Variants in VTI1A observed in about 807,000 individuals in gnomAD.
VTI1A encodes the protein vesicle transport through interaction with t-SNAREs homolog 1A.
Under a neutral mutation model 34.9 loss-of-function variants are expected in VTI1A, and 22 were observed. The ratio of observed to expected loss-of-function variants is 0.63; its 90% confidence interval spans 0.45 to 0.90. The LOEUF (loss-of-function observed/expected upper bound fraction) is 0.90. Ranked by LOEUF, VTI1A falls within the 40% of genes least tolerant of loss-of-function variation. The pLI, the probability that VTI1A is intolerant of heterozygous loss-of-function variation, is 0.00. For synonymous variants in VTI1A, 87 were observed against 97.3 expected (o/e 0.89, Z 0.62); for missense variants, 268 against 275.6 (o/e 0.97, Z 0.20).
Position 112,681,080 on chromosome 10 carries a change from T to A in VTI1A, c.560+12082T>A, listed in dbSNP as rs929829550. ...GAATTTTTCTCTTTTTTTCTTTTCTTTTTTTTTTTTTTAAAGGGACAGGGT... is the reference window on the plus strand; with the variant it reads ...GAATTTTTCTCTTTTTTTCTTTTCTATTTTTTTTTTTTAAAGGGACAGGGT... On this transcript the variant is annotated intron_variant, in intron 7 of 7. Transcript: ENST00000393077. Among the ~76,000 whole-genome samples the A allele has an allele frequency of 2.0e-5, 3 of 146,852 alleles. No homozygotes were observed. In the Admixed American group the frequency reaches 2.0e-4, roughly 10 times the overall value.
chr10:112,708,597 AT>A (rs144574570), intron 7 of VTI1A, among the ~76,000 whole-genome samples: 2,718 of 152,334 alleles, frequency 0.018, 85 homozygotes, highest in African/African-American at 0.062. Context: ...TTGTAAAGGA[AT>A]GTGTTCTGCA....
chr10:112,659,976 C>T (rs552379067), intron 5 of VTI1A, among the ~76,000 whole-genome samples: 1 of 152,300 alleles, frequency 6.6e-6, no homozygotes, highest in African/African-American at 2.4e-5. Flanking sequence ...ATTTAAATTT[C>T]TATTGTTTTG....
chr10:112,485,275 T>G (rs914963814), intron 3 of VTI1A: 1 of 150,790 alleles, frequency 6.6e-6, no homozygotes, highest in Non-Finnish European at 1.5e-5. Context: ...AGAGCGAAAC[T>G]CTGTCTAAAA....
intron 3 of VTI1A, among the ~76,000 whole-genome samples, chr10:112,468,506 C>T (rs1847975628): frequency 6.6e-6 from 1 of 152,148 alleles, no homozygotes; most frequent in South Asian, 2.1e-4. Flanking sequence ...TTCTTCTGTT[C>T]CACTTGTAAT....
chr10:112,467,914 A>G (rs1847951252), intron 3 of VTI1A, among the ~76,000 whole-genome samples: 1 of 152,238 alleles, frequency 6.6e-6, no homozygotes, highest in Admixed American at 6.5e-5. Flanking sequence ...ATAAAGTTCT[A>G]CTTGTCATAT....
At chr10:112,527,606 G>A (rs142948207) in intron 4 of VTI1A, among the ~76,000 whole-genome samples, 2 of 151,894 alleles carry the variant, frequency 1.3e-5, no homozygotes, top group Non-Finnish European at 2.9e-5. Context: ...ATCTCCTATT[G>A]TGTGGCTTCT....
rs76540079 is a variant in VTI1A at position 112,811,853 on chromosome 10, G to T, written c.561-3437G>T. ...CAGTGCCGCGCCTGTCCCCTGCACT[G>T]GAACCAGCCTTCTGTGATTCCGGCT... On this transcript the variant is annotated intron_variant, in intron 7 of 7. Transcript: ENST00000393077. 3.2e-3 allele frequency among the ~76,000 whole-genome samples: 485 copies of T among 152,270 alleles called. 18 individuals are homozygous for T. The East Asian group carries it at 0.081, about 26-fold the overall frequency.
intron 5 of VTI1A, among the ~76,000 whole-genome samples, chr10:112,542,851 C>T (rs986234986): frequency 2.0e-5 from 3 of 152,102 alleles, no homozygotes; most frequent in South Asian, 2.1e-4. Flanking sequence ...CAACAGGCCC[C>T]GGTGTGTGAT....
At chr10:112,731,392 G>T (rs557080876) in intron 7 of VTI1A, among the ~76,000 whole-genome samples, 2 of 152,174 alleles carry the variant, frequency 1.3e-5, no homozygotes, top group South Asian at 4.1e-4. Context: ...GCCCAACATG[G>T]CGAAACCCCA....
At chr10:112,765,939 G>A (rs1851634320) in intron 7 of VTI1A, among the ~76,000 whole-genome samples, 1 of 152,178 alleles carries the variant, frequency 6.6e-6, no homozygotes, top group African/African-American at 2.4e-5. Flanking sequence ...AGGAGTCCAA[G>A]GCAGGTTGAT....
At chr10:112,453,687 A>T (rs919561910) in intron 1 of VTI1A, among the ~76,000 whole-genome samples, 2 of 151,208 alleles carry the variant, frequency 1.3e-5, no homozygotes. Flanking sequence ...TTTTTTAAGG[A>T]CTATATTGCT....
intron 5 of VTI1A, among the ~76,000 whole-genome samples, chr10:112,561,807 G>T (rs1851732879): frequency 6.6e-6 from 1 of 151,922 alleles, no homozygotes; most frequent in Admixed American, 6.6e-5. Flanking sequence ...GGAGACTCTA[G>T]AAATATATGG....
chr10:112,578,990 A>G (rs1843817157), intron 5 of VTI1A, among the ~76,000 whole-genome samples: 1 of 152,234 alleles, frequency 6.6e-6, no homozygotes, highest in Non-Finnish European at 1.5e-5. Flanking sequence ...TCAACAAACC[A>G]TTTAAGGATC....
intron 5 of VTI1A, among the ~76,000 whole-genome samples, chr10:112,583,039 G>A (rs1053745307): frequency 2.0e-5 from 3 of 152,064 alleles, no homozygotes; most frequent in African/African-American, 7.2e-5. Flanking sequence ...TTCCCAAATC[G>A]TTTAAGTGGT....
chr10:112,540,139 C>T, intron 5 of VTI1A, among the ~76,000 whole-genome samples: 1 of 151,954 alleles, frequency 6.6e-6, no homozygotes, highest in Non-Finnish European at 1.5e-5. Context: ...TCTTTTTTTT[C>T]TTTCACTAAA....
intron 5 of VTI1A, among the ~76,000 whole-genome samples, chr10:112,563,236 G>T (rs1851788154): frequency 6.6e-6 from 1 of 152,156 alleles, no homozygotes; most frequent in South Asian, 2.1e-4. Flanking sequence ...ACAGTATATA[G>T]TATTACAGAC....
chr10:112,746,697 A>G (rs1850909588), intron 7 of VTI1A, among the ~76,000 whole-genome samples: 1 of 152,162 alleles, frequency 6.6e-6, no homozygotes, highest in Non-Finnish European at 1.5e-5. Context: ...AAATTAACTG[A>G]GCAAATTTGA....
intron 5 of VTI1A, among the ~76,000 whole-genome samples, chr10:112,563,399 T>G (rs577878141): frequency 6.6e-6 from 1 of 152,306 alleles, no homozygotes; most frequent in South Asian, 2.1e-4. Flanking sequence ...TTTTGTGAAT[T>G]TTTTTAGAGT....
intron 7 of VTI1A, among the ~76,000 whole-genome samples, chr10:112,812,095 G>A (rs2134090625): frequency 6.6e-6 from 1 of 152,266 alleles, no homozygotes; most frequent in African/African-American, 2.4e-5. Context: ...TTTTATTTTG[G>A]CTCTGCATTC....
Sources: gnomAD v4.1 joint callset for allele counts (sites outside exome capture counted in the v4.1 genomes callset) on GRCh38, gnomAD v4.1.1 for gene constraint, MANE v1.5 for transcripts, NCBI Gene and HGNC (gene_info 2026-07-23, HGNC 2026-07-21) for gene names.